MAP2: variants seen among roughly 807,000 people sequenced by gnomAD.
MAP2 encodes the protein microtubule associated protein 2, also known as microtubule-associated protein 2.
MAP2 carries 14 observed loss-of-function variants against 137.6 expected under a neutral mutation model. That is an observed-to-expected ratio of 0.10 (90% CI 0.07 to 0.16). MAP2 has a LOEUF of 0.16. Ranked by LOEUF, MAP2 falls within the 10% of genes least tolerant of loss-of-function variation. MAP2 has a pLI of 1.00. For synonymous variants in MAP2, 786 were observed against 782.3 expected (o/e 1.00, Z -0.08); for missense variants, 2,088 against 2,191.5 (o/e 0.95, Z 0.94).
intron 1 of MAP2, among the ~76,000 whole-genome samples, chr2:209,492,484 T>C (rs2059238733): frequency 6.6e-6 from 1 of 152,034 alleles, no homozygotes; most frequent in Non-Finnish European, 1.5e-5. Context: ...CACTTAAGAA[T>C]AGAGGAAGTC....
intron 4 of MAP2, among the ~76,000 whole-genome samples, chr2:209,630,338 A>G (rs547853185): frequency 2.0e-5 from 3 of 152,282 alleles, no homozygotes; most frequent in South Asian, 4.1e-4. Flanking sequence ...CAAGATGACT[A>G]TAGATAACTC....
rs2044801251 is a variant in MAP2, at chr2:209,663,709, T to C, written c.262+10277T>C. Among the ~76,000 whole-genome samples, 3 of 152,178 alleles carry C rather than the reference T, an allele frequency of 2.0e-5. No individual in the cohort carries two copies. The South Asian group carries it at 6.2e-4, about 32-fold the overall frequency. ...AAATACATATGATTCAGTTTAAGCA[T>C]CCTGAAAATCCATATTTTTAATTTG... On this transcript the variant is annotated intron_variant, in intron 5 of 15. Coordinates refer to ENST00000682079, the MANE Select transcript of MAP2 (RefSeq NM_001375505.1).
intron 3 of MAP2, among the ~76,000 whole-genome samples, chr2:209,583,361 C>G (rs1269378417): frequency 6.6e-6 from 1 of 151,940 alleles, no homozygotes; most frequent in Non-Finnish European, 1.5e-5. Flanking sequence ...ATTCATAAAG[C>G]ATTTTCCATG....
Position 209,697,744 on chromosome 2 carries a change from G to A in MAP2, c.4522+693G>A, listed in dbSNP as rs555123579. Among the ~76,000 whole-genome samples the A allele has an allele frequency of 8.5e-5, 13 of 152,220 alleles. No individual in the cohort carries two copies. The South Asian group carries it at 2.7e-3, about 32-fold the overall frequency. On this transcript the variant is annotated intron_variant, in intron 10 of 15. Transcript: ENST00000682079. ...TAAATATGTTGGATCCAAACTGCTC[G>A]ACTTTTCTATATAATTTAGTTTCAC...
intron 1 of MAP2, among the ~76,000 whole-genome samples, chr2:209,487,556 A>T (rs2058541637): frequency 6.6e-6 from 1 of 152,234 alleles, no homozygotes; most frequent in African/African-American, 2.4e-5. Flanking sequence ...GCTCAGTTGT[A>T]AATCTGAGTA....
At position 209,542,132 on chromosome 2, in the gene MAP2, G is replaced by T. The variant is rs1237038851; in HGVS notation, c.-172+34491G>T. On this transcript the variant is annotated intron_variant, in intron 2 of 15. Transcript: ENST00000682079. ...GGGCTGCAAAATGCATGTTGTATTA[G>T]CAGACATAAAGCCAACATCAATCTC... Among the ~76,000 whole-genome samples, 50 of 152,196 alleles carry T rather than the reference G, an allele frequency of 3.3e-4. 1 individual carries two copies. The highest frequency in any genetic ancestry group is 1.5e-4 in the Non-Finnish European group (10 of 68,044).
chr2:209,471,598 T>A (rs1705722778), intron 1 of MAP2, among the ~76,000 whole-genome samples: 1 of 152,128 alleles, frequency 6.6e-6, no homozygotes, highest in Non-Finnish European at 1.5e-5. Context: ...TGTGGGAACT[T>A]TTTAACCTAG....
At chr2:209,687,099 A>G (rs1389576159) in intron 7 of MAP2, among the ~76,000 whole-genome samples, 1 of 151,656 alleles carries the variant, frequency 6.6e-6, no homozygotes, top group Non-Finnish European at 1.5e-5. Flanking sequence ...TTATTAAGGC[A>G]GGAAAGAGGC....
intron 2 of MAP2, among the ~76,000 whole-genome samples, chr2:209,527,086 G>T (rs181671870): frequency 1.3e-5 from 2 of 152,148 alleles, no homozygotes; most frequent in East Asian, 3.9e-4. Flanking sequence ...CCTGGCATCT[G>T]GGAGAAAAGT....
chr2:209,558,462 T>A (rs1289677255), intron 2 of MAP2, among the ~76,000 whole-genome samples: 1 of 152,100 alleles, frequency 6.6e-6, no homozygotes, highest in Non-Finnish European at 1.5e-5. Flanking sequence ...GTGCTGGGAT[T>A]ACAGGTGTGA....
chr2:209,524,865 G>T (rs1327250797), intron 2 of MAP2, among the ~76,000 whole-genome samples: 2 of 151,896 alleles, frequency 1.3e-5, no homozygotes, highest in Non-Finnish European at 2.9e-5. Context: ...ATTACCTGTT[G>T]TGTTTGTTAT....
At chr2:209,571,829 T>C (rs2074441580) in intron 2 of MAP2, among the ~76,000 whole-genome samples, 1 of 152,010 alleles carries the variant, frequency 6.6e-6, no homozygotes, top group Non-Finnish European at 1.5e-5. Context: ...TTTATTAAAT[T>C]GCAGTCAGAC....
rs371620520 is a variant in MAP2 at position 209,566,867 on chromosome 2, C to T, written c.-171-13169C>T. Reference sequence around the variant, plus strand: ...AGGCCTCACATCCCTTTCTCTCATCCGCCATCAATCAATCATACATTTTGT... The same window carrying T: ...AGGCCTCACATCCCTTTCTCTCATCTGCCATCAATCAATCATACATTTTGT... On this transcript the variant is annotated intron_variant, in intron 2 of 15. Transcript: ENST00000682079. Among the ~76,000 whole-genome samples the T allele has an allele frequency of 1.3e-4, 20 of 152,020 alleles. 1 individual carries two copies. The East Asian group carries it at 1.5e-3, about 12-fold the overall frequency.
At chr2:209,696,492 C>A in intron 8 of MAP2, 50 bp from the exon 9 acceptor site, 1 of 1,523,216 alleles carries the variant, frequency 6.6e-7, no homozygotes, top group Non-Finnish European at 8.9e-7. Flanking sequence ...ACACTTGTTA[C>A]TAATGTTTTC....
intron 2 of MAP2, among the ~76,000 whole-genome samples, chr2:209,575,866 GTAAAA>G (rs1178679214): frequency 2.6e-5 from 4 of 152,142 alleles, no homozygotes; most frequent in Admixed American, 1.3e-4. Context: ...ATGGAAAAAA[GTAAAA>G]TGCAGCAGGG....
intron 13 of MAP2, among the ~76,000 whole-genome samples, chr2:209,711,156 T>C (rs2065322460): frequency 6.6e-6 from 1 of 152,212 alleles, no homozygotes; most frequent in Non-Finnish European, 1.5e-5. Flanking sequence ...AACGAACTTA[T>C]AATGCCCTTT....
chr2:209,611,553 G>A (rs2086886048), intron 3 of MAP2, among the ~76,000 whole-genome samples: 1 of 151,880 alleles, frequency 6.6e-6, no homozygotes, highest in African/African-American at 2.4e-5. Context: ...TAGAGATCTG[G>A]CTTTGTTAAT....
intron 3 of MAP2, among the ~76,000 whole-genome samples, chr2:209,591,939 A>C (rs1257039806): frequency 2.0e-5 from 3 of 152,172 alleles, no homozygotes; most frequent in Non-Finnish European, 4.4e-5. Context: ...TTGATTCAAA[A>C]ATATTTTGAA....
chr2:209,694,738 C>T lies in MAP2; in HGVS notation c.2568C>T (p.Val856=), dbSNP rs558140677. 25 of 1,614,112 alleles carry T rather than the reference C, an allele frequency of 1.5e-5. No individual in the cohort carries two copies. In the South Asian group the frequency reaches 2.4e-4, roughly 16 times the overall value. ...CCCCGGTAACTGATGAAAACCATGTCATTGTAAAAACGGACAGTCAGCTCG... is the reference window on the plus strand; with the variant it reads ...CCCCGGTAACTGATGAAAACCATGTTATTGTAAAAACGGACAGTCAGCTCG... The part of the protein sequence containing the change: ...GLPPVTDENH[V]IVKTDSQLED... The change falls in exon 8 of 16, where the codon GTC becomes GTT. Residue 856 remains valine, a synonymous_variant. Transcript: ENST00000682079.
Sources: allele counts gnomAD v4.1 joint callset (sites outside exome capture counted in the v4.1 genomes callset), GRCh38; gene constraint gnomAD v4.1.1; transcripts MANE v1.5; gene names NCBI Gene and HGNC (gene_info 2026-07-23, HGNC 2026-07-21).